NSF: variants seen among roughly 807,000 people sequenced by gnomAD.
NSF encodes the protein vesicle-fusing ATPase.
Under a neutral mutation model 50.3 loss-of-function variants are expected in NSF, and 14 were observed. The ratio of observed to expected loss-of-function variants is 0.28; its 90% CI spans 0.18 to 0.44. The LOEUF (loss-of-function observed/expected upper bound fraction) is 0.44, where lower values mean the gene tolerates loss of function less well. NSF is among the 20% of genes least tolerant of loss of function. NSF has a pLI of 1.00. For missense variants in NSF, 218 were observed against 504.3 expected (o/e 0.43, Z 5.44); for synonymous variants, 109 against 175.7 (o/e 0.62, Z 3.00).
chr17:46,722,068 G>C, intron 15 of NSF: 1 of 1,610,478 alleles, frequency 6.2e-7, no homozygotes, highest in African/African-American at 1.3e-5. Context: ...TGAGGTCCGA[G>C]TTCATCTCCA....
intron 17 of NSF, among the ~76,000 whole-genome samples, chr17:46,745,886 C>A (rs1306431994): frequency 6.6e-6 from 1 of 152,182 alleles, no homozygotes; most frequent in Non-Finnish European, 1.5e-5. Context: ...TACCTCAACA[C>A]CCAGCTTTTG....
At chr17:46,710,241 G>A (rs2058705833) in intron 13 of NSF, among the ~76,000 whole-genome samples, 1 of 152,106 alleles carries the variant, frequency 6.6e-6, no homozygotes, top group Admixed American at 6.6e-5. Context: ...CAGTTCAATT[G>A]TAAATACTAA....
intron 18 of NSF, 57 bp downstream of exon 18, chr17:46,749,964 T>C (rs2059165802): frequency 6.4e-7 from 1 of 1,568,998 alleles, no homozygotes; most frequent in African/African-American, 1.4e-5. Flanking sequence ...GAGGCTGAAA[T>C]AAGTAGTACC....
intron 17 of NSF, among the ~76,000 whole-genome samples, chr17:46,746,260 A>G (rs868464680): frequency 3.3e-5 from 5 of 152,198 alleles, no homozygotes; most frequent in Admixed American, 3.3e-4. Context: ...GTGTACTTCT[A>G]TCTCATATTC....
intron 8 of NSF, among the ~76,000 whole-genome samples, chr17:46,657,296 A>C (rs1218181426): frequency 4.9e-5 from 7 of 143,040 alleles, no homozygotes; most frequent in African/African-American, 1.8e-4. Flanking sequence ...TGAAAAGTCA[A>C]ATGTTAAGGA....
intron 16 of NSF, 82 bp from the exon 17 acceptor site, chr17:46,728,773 C>CAAAA: frequency 6.9e-6 from 5 of 720,922 alleles, no homozygotes; most frequent in South Asian, 2.3e-5. Context: ...ACTTTTGATG[C>CAAAA]AAAAAAAAAA....
intron 9 of NSF, among the ~76,000 whole-genome samples, chr17:46,688,357 T>C (rs1484184864): frequency 6.9e-6 from 1 of 145,902 alleles, no homozygotes; most frequent in Non-Finnish European, 1.5e-5. Context: ...AAAATAAAAA[T>C]AAAAATAAAT....
At chr17:46,679,856 A>G (rs1413441351) in intron 9 of NSF, among the ~76,000 whole-genome samples, 1 of 151,620 alleles carries the variant, frequency 6.6e-6, no homozygotes. Context: ...AACAAGACTC[A>G]AAGACAATGT....
In NSF at chr17:46,722,221, G is replaced by A. The variant is rs564445574; in HGVS notation, c.1762-4328G>A. 790 of 1,397,614 alleles carry A rather than the reference G, an allele frequency of 5.7e-4. 10 individuals are homozygous for A. The South Asian group carries it at 7.8e-3, about 14-fold the overall frequency. 86.6% of individuals were successfully genotyped at this position (1,397,614 alleles called of 1,614,324 possible). A position where few individuals can be genotyped will look rare whatever the true frequency, so the allele number is the denominator to read the frequency against. On this transcript the variant is annotated intron_variant, in intron 15 of 20. Transcript: ENST00000398238. ...CTGCTTAGGAAGAGACCCAAATCTCGCGAGAGCACGTCAAAATCCCTACAT... is the reference window on the plus strand; with the variant it reads ...CTGCTTAGGAAGAGACCCAAATCTCACGAGAGCACGTCAAAATCCCTACAT...
In NSF at chr17:46,715,050, G is replaced by T. The variant is rs147946099; in HGVS notation, c.1761+1064G>T. ...CAAAAAATGTAAGCTTGAGAAGCTA[G>T]TCTCTTGTTTGTGCAGGTGGCAGAA... On this transcript the variant is annotated intron_variant, in intron 15 of 20. Transcript: ENST00000398238. Among the ~76,000 whole-genome samples, 5 of 152,362 alleles carry T rather than the reference G, an allele frequency of 3.3e-5. No individual in the cohort carries two copies. In the East Asian group the frequency reaches 9.6e-4, roughly 29 times the overall value.
intron 19 of NSF, among the ~76,000 whole-genome samples, chr17:46,752,682 C>A (rs1310189499): frequency 6.6e-6 from 1 of 152,124 alleles, no homozygotes; most frequent in Non-Finnish European, 1.5e-5. Context: ...TCTTGAACTC[C>A]CGAGCTCAAG....
intron 12 of NSF, among the ~76,000 whole-genome samples, chr17:46,694,873 CCT>C (rs1400043310): frequency 3.2e-5 from 4 of 125,194 alleles, no homozygotes; most frequent in African/African-American, 1.3e-4. Flanking sequence ...GACTCATCTA[CCT>C]TAGGTCATCA....
At chr17:46,598,597 T>C (rs2146095552) in intron 1 of NSF, among the ~76,000 whole-genome samples, 1 of 152,064 alleles carries the variant, frequency 6.6e-6, no homozygotes, top group Admixed American at 6.5e-5. Flanking sequence ...GCTTAGGAGT[T>C]GAAAGGGGTA....
intron 9 of NSF, among the ~76,000 whole-genome samples, chr17:46,691,583 A>C (rs1486781464): frequency 6.6e-6 from 1 of 151,300 alleles, no homozygotes; most frequent in Non-Finnish European, 1.5e-5. Flanking sequence ...CAGCAGAGCA[A>C]GACTTCATCT....
intron 13 of NSF, among the ~76,000 whole-genome samples, chr17:46,707,746 T>C (rs892650597): frequency 9.9e-5 from 15 of 152,188 alleles, no homozygotes; most frequent in African/African-American, 3.6e-4. Flanking sequence ...TACTCCATTA[T>C]ATGGGCCAGG....
At chr17:46,745,579 T>G (rs1320173598) in intron 17 of NSF, among the ~76,000 whole-genome samples, 1 of 152,182 alleles carries the variant, frequency 6.6e-6, no homozygotes, top group Non-Finnish European at 1.5e-5. Flanking sequence ...CTGGAATGAG[T>G]AAGAAGCTTC....
intron 9 of NSF, among the ~76,000 whole-genome samples, chr17:46,687,194 A>AT (rs2058500181): frequency 2.9e-5 from 2 of 68,642 alleles, no homozygotes; most frequent in Non-Finnish European, 5.5e-5. Flanking sequence ...TCCTGCTTTT[A>AT]TATTCCTCCA....
At chr17:46,693,436 T>TATA (rs2058565705) in intron 10 of NSF, among the ~76,000 whole-genome samples, 1 of 151,906 alleles carries the variant, frequency 6.6e-6, no homozygotes, top group African/African-American at 2.4e-5. Context: ...GGGAGTGCGT[T>TATA]TCAGATCCTA....
At position 46,708,119 on chromosome 17, in the gene NSF, G is replaced by A. The variant is rs375246389; in HGVS notation, c.1471-2844G>A. On this transcript the variant is annotated intron_variant, in intron 13 of 20. Transcript: ENST00000398238. The stretch of plus-strand genomic sequence containing the variant: ...TCAATGGCAGCCAGGCTTCTGCCAC[G>A]TTTTGGCTATTTTGAGTAATGCTGT... Among the ~76,000 whole-genome samples, 13 of 151,752 alleles carry A rather than the reference G, an allele frequency of 8.6e-5. No homozygotes were observed. The East Asian group carries it at 1.5e-3, about 18-fold the overall frequency.
Sources: gnomAD v4.1 joint callset for allele counts (sites outside exome capture counted in the v4.1 genomes callset) on GRCh38, gnomAD v4.1.1 for gene constraint, MANE v1.5 for transcripts, NCBI Gene and HGNC (gene_info 2026-07-23, HGNC 2026-07-21) for gene names.